The following PTPRO variants were observed in gnomAD, a reference collection of about 807,000 sequenced individuals.
The protein encoded by PTPRO is receptor-type tyrosine-protein phosphatase O.
PTPRO carries 62 observed loss-of-function variants against 145.2 expected under a neutral mutation model. The ratio of observed to expected loss-of-function variants is 0.43; its 90% CI spans 0.35 to 0.53. The LOEUF is 0.53. PTPRO is among the 20% of genes least tolerant of loss of function. The pLI is 0.01. For missense variants in PTPRO, 1,345 were observed against 1,482.7 expected (o/e 0.91, Z 1.53); for synonymous variants, 565 against 514.7 (o/e 1.10, Z -1.32).
At chr12:15,572,701 AT>A (rs1297441832) in intron 19 of PTPRO, among the ~76,000 whole-genome samples, 2 of 152,196 alleles carry the variant, frequency 1.3e-5, no homozygotes, top group South Asian at 4.1e-4. Flanking sequence ...TATTTAAAAA[AT>A]AATCATGTTC....
chr12:15,441,108 T>C (rs928047612), intron 1 of PTPRO, among the ~76,000 whole-genome samples: 1 of 152,154 alleles, frequency 6.6e-6, no homozygotes, highest in African/African-American at 2.4e-5. Context: ...GACCACATGC[T>C]CTACCATAAA....
At chr12:15,493,950 T>C (rs759303966) in intron 2 of PTPRO, among the ~76,000 whole-genome samples, 1 of 152,212 alleles carries the variant, frequency 6.6e-6, no homozygotes, top group Non-Finnish European at 1.5e-5. Context: ...TAGACGTTCT[T>C]GTATCAAGAG....
intron 1 of PTPRO, among the ~76,000 whole-genome samples, chr12:15,360,889 T>TGTGTATATACACACACATATATACACAC (rs1565585717): frequency 1.4e-4 from 14 of 99,764 alleles, no homozygotes; most frequent in African/African-American, 4.4e-4. Flanking sequence ...CACATACACA[T>TGTGTATATACACACACATATATACACAC]GTGTATATAC....
intron 7 of PTPRO, among the ~76,000 whole-genome samples, chr12:15,509,118 A>G (rs1942383338): frequency 6.6e-6 from 1 of 152,248 alleles, no homozygotes; most frequent in African/African-American, 2.4e-5. Context: ...AAGTGAACAT[A>G]TAATGACTGC....
intron 2 of PTPRO, among the ~76,000 whole-genome samples, chr12:15,485,749 A>T (rs1591643794): frequency 6.6e-6 from 1 of 152,172 alleles, no homozygotes; most frequent in Non-Finnish European, 1.5e-5. Flanking sequence ...ATGCTAAAAA[A>T]TTTCTAGAAT....
chr12:15,345,682 C>T (rs1867180943), intron 1 of PTPRO, among the ~76,000 whole-genome samples: 1 of 152,082 alleles, frequency 6.6e-6, no homozygotes, highest in South Asian at 2.1e-4. Context: ...ACCACCATGG[C>T]ACGTTTATAC....
intron 16 of PTPRO, 131 bp downstream of exon 16, chr12:15,557,654 C>T: frequency 2.6e-6 from 2 of 776,016 alleles, no homozygotes; most frequent in Admixed American, 3.9e-5. Context: ...GGTAGACTTT[C>T]AATGGCTAGA....
intron 12 of PTPRO, among the ~76,000 whole-genome samples, chr12:15,543,041 A>G (rs1943211367): frequency 6.6e-6 from 1 of 152,220 alleles, no homozygotes; most frequent in South Asian, 2.1e-4. Flanking sequence ...ATAACAATAA[A>G]TTGTAATAAC....
At chr12:15,333,322 T>C (rs1452801521) in intron 1 of PTPRO, among the ~76,000 whole-genome samples, 1 of 152,228 alleles carries the variant, frequency 6.6e-6, no homozygotes, top group East Asian at 1.9e-4. Flanking sequence ...GAATGTATCA[T>C]TCACTAAATG....
At chr12:15,374,903 A>G (rs779299106) in intron 1 of PTPRO, among the ~76,000 whole-genome samples, 1 of 152,206 alleles carries the variant, frequency 6.6e-6, no homozygotes, top group African/African-American at 2.4e-5. Flanking sequence ...AGAGTGCCCC[A>G]GTCCCTCATC....
chr12:15,386,871 A>G (rs1939044844), intron 1 of PTPRO, among the ~76,000 whole-genome samples: 1 of 152,184 alleles, frequency 6.6e-6, no homozygotes, highest in Non-Finnish European at 1.5e-5. Flanking sequence ...CCAACAGTCA[A>G]GTTTCTAGAC....
At chr12:15,498,131 CAT>C (rs1395156798) in intron 3 of PTPRO, among the ~76,000 whole-genome samples, 1 of 152,128 alleles carries the variant, frequency 6.6e-6, no homozygotes, top group African/African-American at 2.4e-5. Context: ...TAACTGGAAA[CAT>C]GTATTGGTGG....
Position 15,322,778 on chromosome 12 carries a change from C to T in PTPRO, c.52C>T (p.Leu18Phe). 1 of 1,612,924 alleles carries T rather than the reference C, an allele frequency of 6.2e-7. No individual in the cohort carries two copies. Among genetic ancestry groups the T allele is most frequent in the Non-Finnish European group, 8.5e-7 (1 of 1,179,576 alleles). The change falls in exon 1 of 27, where the codon CTC (leucine) becomes TTC (phenylalanine). Residue 18 changes from leucine (L) to phenylalanine (F), a missense_variant. This residue lies in a region of PTPRO where 1,130 missense variants were observed against 1,214.7 expected (regional missense o/e 0.93). Transcript: ENST00000281171. The surrounding 1 kb of genome is among the most constrained non-coding windows in gnomAD (Gnocchi z 6.3). ...CGGCGCCCGCCGCCTCCTGCCTCTG[C>T]TCTGGCTCTTTGTGCTGTTCAAGGT... ...IHGARRLLPL[L>F]WLFVLFKNAT...
intron 1 of PTPRO, among the ~76,000 whole-genome samples, chr12:15,390,338 A>G (rs1565602562): frequency 2.0e-5 from 3 of 152,294 alleles, no homozygotes; most frequent in African/African-American, 7.2e-5. Context: ...GAAATTTAAT[A>G]AACTCACAAT....
chr12:15,557,281 C>T (rs1313576807), intron 15 of PTPRO, among the ~76,000 whole-genome samples, 174 bp from the exon 16 acceptor site: 3 of 152,318 alleles, frequency 2.0e-5, no homozygotes, highest in Non-Finnish European at 2.9e-5. Context: ...CCGCCCACCT[C>T]GGCCTCCCAA....
At chr12:15,530,063 A>T (rs947989111) in intron 12 of PTPRO, among the ~76,000 whole-genome samples, 1 of 152,194 alleles carries the variant, frequency 6.6e-6, no homozygotes, top group East Asian at 1.9e-4. Flanking sequence ...ACAAGCAAAA[A>T]AGCAGATGTA....
chr12:15,516,812 C>T lies in PTPRO; in HGVS notation c.1635C>T (p.Ala545=), dbSNP rs750167616. 4.3e-6 allele frequency: 7 copies of T among 1,612,194 alleles called. No homozygotes were observed. Among genetic ancestry groups the T allele is most frequent in the Admixed American group, 3.3e-5 (2 of 60,002 alleles). The change falls in exon 9 of 27, where the codon GCC becomes GCT. Residue 545 remains alanine, a synonymous_variant. Transcript: ENST00000281171. ...TGCTCTATCCTTTGGGTCCTACGGC[C>T]GTGGTTCTGAGCTGGACCAGACCTT... ...DLMLYPLGPT[A]VVLSWTRPYL...
chr12:15,421,309 C>A (rs1323302040), intron 1 of PTPRO, among the ~76,000 whole-genome samples: 2 of 152,094 alleles, frequency 1.3e-5, no homozygotes, highest in African/African-American at 4.8e-5. Flanking sequence ...ATATTTAATT[C>A]ATTTAAGCTG....
At chr12:15,492,585 A>G (rs1315630864) in intron 2 of PTPRO, among the ~76,000 whole-genome samples, 1 of 152,104 alleles carries the variant, frequency 6.6e-6, no homozygotes, top group Non-Finnish European at 1.5e-5. Context: ...TAGAATAAAC[A>G]TGAATAAATT....
Sources: gnomAD v4.1 joint callset for allele counts (sites outside exome capture counted in the v4.1 genomes callset) on GRCh38, gnomAD v4.1.1 for gene constraint, gnomAD v4.1.1 regional missense constraint, Gnocchi (gnomAD v3.1) non-coding constraint, MANE v1.5 for transcripts, NCBI Gene and HGNC (gene_info 2026-07-23, HGNC 2026-07-21) for gene names.